RARB: variants seen among roughly 807,000 people sequenced by gnomAD.
RARB encodes the protein HBV-activated protein.
Under a neutral mutation model 51.9 loss-of-function variants are expected in RARB, and 17 were observed. The ratio of observed to expected loss-of-function variants is 0.33; its 90% confidence interval spans 0.22 to 0.49. The LOEUF is 0.49. Among genes scored for constraint, RARB ranks in the 20% least tolerant of loss-of-function variants. The probability of loss-of-function intolerance (pLI) is 0.99; values close to 1 mark genes in which losing one functional copy is unlikely to be tolerated. For missense variants in RARB, 369 were observed against 550.8 expected, an observed-to-expected ratio of 0.67 and a Z score of 3.30; for synonymous variants, 215 against 195.4, an observed-to-expected ratio of 1.10 and a Z score of -0.84.
At chr3:25,191,544 A>G (rs1003845564) in intron 5 of RARB, among the ~76,000 whole-genome samples, 1 of 151,706 alleles carries the variant, frequency 6.6e-6, no homozygotes, top group Non-Finnish European at 1.5e-5. Context: ...GACAGCTATG[A>G]ATTTTCCTTC....
At chr3:25,263,699 A>G (rs529966272) in intron 5 of RARB, among the ~76,000 whole-genome samples, 1 of 152,292 alleles carries the variant, frequency 6.6e-6, no homozygotes, top group South Asian at 2.1e-4. Context: ...CCATGAGTCC[A>G]TGGATGATCA....
intron 2 of RARB, among the ~76,000 whole-genome samples, chr3:25,500,065 A>T (rs907213645): frequency 6.6e-6 from 1 of 152,218 alleles, no homozygotes; most frequent in African/African-American, 2.4e-5. Flanking sequence ...GCTGTAGTAC[A>T]TTACTACCCG....
chr3:25,395,527 G>C (rs1707090001), intron 5 of RARB, among the ~76,000 whole-genome samples: 1 of 152,082 alleles, frequency 6.6e-6, no homozygotes, highest in Non-Finnish European at 1.5e-5. Flanking sequence ...TTCTTGCTTG[G>C]GAACACCAAT....
At chr3:25,467,310 T>A (rs1482767970) in intron 2 of RARB, among the ~76,000 whole-genome samples, 2 of 152,258 alleles carry the variant, frequency 1.3e-5, no homozygotes, top group Admixed American at 1.3e-4. Context: ...TATTATTCAT[T>A]ATAATTCTGG....
intron 5 of RARB, among the ~76,000 whole-genome samples, chr3:25,374,753 A>G (rs1265950035): frequency 6.6e-6 from 1 of 152,158 alleles, no homozygotes; most frequent in Non-Finnish European, 1.5e-5. Context: ...TCCCTCTGAC[A>G]TGAGTGGATT....
At chr3:24,993,973 C>A (rs1696969665) in intron 2 of RARB, among the ~76,000 whole-genome samples, 1 of 152,096 alleles carries the variant, frequency 6.6e-6, no homozygotes, top group Non-Finnish European at 1.5e-5. Flanking sequence ...CATGGGATTG[C>A]AGATGTGTCT....
At chr3:25,017,855 T>C (rs1408830165) in intron 2 of RARB, among the ~76,000 whole-genome samples, 3 of 152,166 alleles carry the variant, frequency 2.0e-5, no homozygotes, top group Non-Finnish European at 4.4e-5. Flanking sequence ...AGTGTGATGG[T>C]ATTTGGAGGT....
At chr3:24,895,507 C>G (rs1703459489) in intron 2 of RARB, among the ~76,000 whole-genome samples, 1 of 152,080 alleles carries the variant, frequency 6.6e-6, no homozygotes, top group African/African-American at 2.4e-5. Flanking sequence ...GCTTATTTAT[C>G]AAGGTGTAGT....
At chr3:24,864,780 C>T (rs1229522940) in intron 2 of RARB, among the ~76,000 whole-genome samples, 3 of 152,138 alleles carry the variant, frequency 2.0e-5, no homozygotes, top group Non-Finnish European at 2.9e-5. Flanking sequence ...AATTTACTAT[C>T]AATCTTTTAC....
intron 3 of RARB, among the ~76,000 whole-genome samples, chr3:25,115,978 T>G (rs1699681263): frequency 1.3e-5 from 2 of 152,162 alleles, no homozygotes; most frequent in African/African-American, 2.4e-5. Flanking sequence ...TTAAGAAGAA[T>G]CCTGAGAATT....
chr3:25,015,303 A>G (rs1248506554), intron 2 of RARB, among the ~76,000 whole-genome samples: 8 of 152,188 alleles, frequency 5.3e-5, no homozygotes, highest in Non-Finnish European at 1.0e-4. Context: ...TTTAACATTC[A>G]TTGTTTATTT....
intron 1 of RARB, among the ~76,000 whole-genome samples, chr3:25,430,164 A>G (rs376184518): frequency 1.4e-3 from 212 of 152,376 alleles, no homozygotes; most frequent in South Asian, 2.9e-3. Flanking sequence ...TGTCTGACTT[A>G]ACATTTTGTA....
rs532602048 is a variant in RARB at position 25,192,014 on chromosome 3, C to T, written c.178+17439C>T. On this transcript the variant is annotated intron_variant, in intron 5 of 11. Coordinates refer to the RARB transcript ENST00000383772. Reference sequence around the variant, plus strand: ...AATCACGGCAGTTATTCTGGAAGTACTTATTTAAACAGCTTTGCAAAAGTG... The same window carrying T: ...AATCACGGCAGTTATTCTGGAAGTATTTATTTAAACAGCTTTGCAAAAGTG... Among the ~76,000 whole-genome samples, 8 of 152,088 alleles carry T rather than the reference C, an allele frequency of 5.3e-5. 1 individual carries two copies. Among genetic ancestry groups the T allele is most frequent in the African/African-American group, 1.9e-4 (8 of 41,512 alleles).
At chr3:25,530,619 C>G (rs943051544) in intron 3 of RARB, among the ~76,000 whole-genome samples, 1 of 152,228 alleles carries the variant, frequency 6.6e-6, no homozygotes, top group Admixed American at 6.5e-5. Context: ...CTGATTGTAA[C>G]TCTTCAGGCT....
chr3:25,158,396 A>G (rs1295749691), intron 4 of RARB, among the ~76,000 whole-genome samples: 2 of 152,224 alleles, frequency 1.3e-5, no homozygotes, highest in Non-Finnish European at 2.9e-5. Context: ...CATAAATTCA[A>G]GTGAGTGCTG....
intron 2 of RARB, among the ~76,000 whole-genome samples, chr3:24,896,039 T>C (rs1429090994): frequency 6.6e-6 from 1 of 152,176 alleles, no homozygotes; most frequent in Non-Finnish European, 1.5e-5. Context: ...TAAATGGGAA[T>C]GAAATTCCGT....
At chr3:25,371,299 C>A (rs565023637) in intron 5 of RARB, among the ~76,000 whole-genome samples, 25 of 152,230 alleles carry the variant, frequency 1.6e-4, no homozygotes, top group Admixed American at 5.2e-4. Context: ...TTCACAGGTT[C>A]TGAAGGTTGG....
intron 5 of RARB, among the ~76,000 whole-genome samples, chr3:25,221,058 C>G (rs983131725): frequency 6.6e-6 from 1 of 151,982 alleles, no homozygotes; most frequent in Non-Finnish European, 1.5e-5. Flanking sequence ...TCTATTCTTT[C>G]TTACTTGTAA....
At chr3:25,020,518 C>T (rs1697612005) in intron 2 of RARB, 1 of 152,014 alleles carries the variant, frequency 6.6e-6, no homozygotes, top group African/African-American at 2.4e-5. Flanking sequence ...ACCAGGAATC[C>T]TGTTTGGAGA....
Sources: allele counts gnomAD v4.1 joint callset (sites outside exome capture counted in the v4.1 genomes callset), GRCh38; gene constraint gnomAD v4.1.1; transcripts MANE v1.5; gene names NCBI Gene and HGNC (gene_info 2026-07-23, HGNC 2026-07-21).